The following RUFY3 variants were observed in gnomAD, a reference collection of about 807,000 sequenced individuals.
RUFY3 encodes the protein protein RUFY3.
RUFY3 carries 34 observed loss-of-function variants against 84.0 expected under a neutral mutation model. The ratio of observed to expected loss-of-function variants is 0.40; its 90% CI spans 0.31 to 0.54. The LOEUF (loss-of-function observed/expected upper bound fraction) is 0.54. RUFY3 is among the 20% of genes least tolerant of loss of function. The pLI, the probability that RUFY3 is intolerant of heterozygous loss-of-function variation, is 0.39. For synonymous variants in RUFY3, 242 were observed against 252.9 expected (o/e 0.96, Z 0.41); for missense variants, 507 against 736.8 (o/e 0.69, Z 3.61).
At chr4:70,781,001 A>G (rs1400250976) in intron 8 of RUFY3, among the ~76,000 whole-genome samples, 1 of 151,530 alleles carries the variant, frequency 6.6e-6, no homozygotes, top group Admixed American at 6.6e-5. Flanking sequence ...TGTAATCCCA[A>G]CACTTGGGAC....
At chr4:70,778,332 T>C in intron 7 of RUFY3, 37 bp from the exon 8 acceptor site, 1 of 1,172,044 alleles carries the variant, frequency 8.5e-7, no homozygotes, top group South Asian at 1.3e-5. Context: ...ATTGTCTGTT[T>C]TTCAAAAGTG....
At chr4:70,802,374 T>C (rs1253480829) in intron 15 of RUFY3, among the ~76,000 whole-genome samples, 2 of 152,204 alleles carry the variant, frequency 1.3e-5, no homozygotes, top group African/African-American at 4.8e-5. Context: ...AGAGCGGGCT[T>C]TGCTTCACCT....
intron 8 of RUFY3, among the ~76,000 whole-genome samples, chr4:70,780,130 C>A (rs1728658693): frequency 6.6e-6 from 1 of 152,088 alleles, no homozygotes; most frequent in African/African-American, 2.4e-5. Context: ...ATCACATAGG[C>A]TTTTGGAATG....
chr4:70,790,370 C>T lies in RUFY3; in HGVS notation c.1337+778C>T, dbSNP rs16845447. Among the ~76,000 whole-genome samples, 824 of 152,328 alleles carry T rather than the reference C, an allele frequency of 5.4e-3. 7 individuals are homozygous for T. Among genetic ancestry groups the T allele is most frequent in the African/African-American group, 0.017 (690 of 41,578 alleles). On this transcript the variant is annotated intron_variant, in intron 12 of 17. Coordinates refer to ENST00000381006, the MANE Select transcript of RUFY3 (RefSeq NM_001037442.4). ...CATTTGATGTTTCTACCCTTAACAC[C>T]TGTTTGTCACCCTTCTTGCACTTGA...
intron 10 of RUFY3, among the ~76,000 whole-genome samples, chr4:70,787,193 TA>T (rs1730008696): frequency 8.8e-6 from 1 of 114,056 alleles, no homozygotes; most frequent in African/African-American, 3.9e-5. Context: ...AAAAAATATA[TA>T]TATATATATA....
chr4:70,741,888 G>A (rs1336796518), intron 1 of RUFY3, among the ~76,000 whole-genome samples: 4 of 152,182 alleles, frequency 2.6e-5, no homozygotes, highest in Non-Finnish European at 5.9e-5. Flanking sequence ...TGAATAACGT[G>A]TTTAAAAGGG....
At chr4:70,791,986 C>A (rs1730900182) in intron 12 of RUFY3, 3 of 983,962 alleles carry the variant, frequency 3.0e-6, no homozygotes, top group African/African-American at 1.8e-5. Context: ...AATTAGGTAA[C>A]CTATGATAAC....
At position 70,733,113 on chromosome 4, in the gene RUFY3, AGAGAGAGG is replaced by A. The variant is rs1296578706; in HGVS notation, c.178+10366_178+10373del. Among the ~76,000 whole-genome samples, 176 of 85,160 alleles carry A rather than the reference AGAGAGAGG, an allele frequency of 2.1e-3. 2 individuals carry two copies. The highest frequency in any genetic ancestry group is 8.2e-3 in the African/African-American group (160 of 19,514). 55.9% of individuals were successfully genotyped at this position (85,160 alleles called of 152,430 possible). On this transcript the variant is annotated intron_variant, in intron 1 of 17. Transcript: ENST00000381006. ...AGAGAGAGGAGAGAGAGAGAGAGAGAGAGAGAGGGAGGGAGGGAGGGAGGGAGAGAGAG... is the reference window on the plus strand; with the variant it reads ...AGAGAGAGGAGAGAGAGAGAGAGAGAGAGGGAGGGAGGGAGGGAGAGAGAG...
chr4:70,731,473 A>G (rs186199372), intron 1 of RUFY3, among the ~76,000 whole-genome samples: 1 of 152,370 alleles, frequency 6.6e-6, no homozygotes, highest in Non-Finnish European at 1.5e-5. Flanking sequence ...CAAAAATAGT[A>G]CACTGCTGAA....
chr4:70,746,543 C>T (rs1426841464), intron 1 of RUFY3, among the ~76,000 whole-genome samples: 25 of 151,146 alleles, frequency 1.7e-4, no homozygotes. Flanking sequence ...CATGGAAGAC[C>T]ATAATAATTG....
chr4:70,727,876 T>C (rs139338294), intron 1 of RUFY3, among the ~76,000 whole-genome samples: 1 of 152,258 alleles, frequency 6.6e-6, no homozygotes, highest in African/African-American at 2.4e-5. Context: ...AGGGATAGTA[T>C]TACCTTCAGT....
At chr4:70,806,360 G>T (rs1413913083) in intron 17 of RUFY3, among the ~76,000 whole-genome samples, 156 bp from the exon 18 acceptor site, 1 of 152,112 alleles carries the variant, frequency 6.6e-6, no homozygotes, top group Non-Finnish European at 1.5e-5. Context: ...CTTTTTTGTA[G>T]ATTGGGCCTG....
chr4:70,792,835 G>A, intron 12 of RUFY3: 1 of 985,346 alleles, frequency 1.0e-6, no homozygotes, highest in Non-Finnish European at 1.2e-6. Flanking sequence ...GGAAGATCCT[G>A]TGCTCTTGAA....
chr4:70,706,986 T>C (rs1740410396), intron 1 of RUFY3, among the ~76,000 whole-genome samples: 1 of 152,254 alleles, frequency 6.6e-6, no homozygotes, highest in Admixed American at 6.5e-5. Context: ...GTCATTTCTC[T>C]GTAACAGTTA....
chr4:70,799,110 A>T (rs1196105080), intron 14 of RUFY3, among the ~76,000 whole-genome samples: 1 of 149,218 alleles, frequency 6.7e-6, no homozygotes, highest in East Asian at 2.0e-4. Context: ...ATGCCACTGC[A>T]CTCCAGCCTG....
intron 12 of RUFY3, chr4:70,792,579 C>T: frequency 2.0e-6 from 2 of 985,380 alleles, no homozygotes; most frequent in Non-Finnish European, 2.4e-6. Context: ...AAGGTCCTGA[C>T]AAAATACTTG....
At position 70,808,238 on chromosome 4, in the gene RUFY3, G is replaced by A. The variant is rs1733021628; in HGVS notation, c.*1579G>A. Among the ~76,000 whole-genome samples, 1 of 152,054 alleles carries A rather than the reference G, an allele frequency of 6.6e-6. No homozygotes were observed. Among genetic ancestry groups the A allele is most frequent in the South Asian group, 2.1e-4 (1 of 4,832 alleles). On this transcript the variant is annotated 3_prime_UTR_variant, in exon 18 of 18. Coordinates refer to ENST00000381006, the MANE Select transcript of RUFY3 (RefSeq NM_001037442.4). ...TTGATTGGCAGTTGGTTGAAGCCAT[G>A]GATGCAGAACCCATGGATATGGAGG...
At chr4:70,762,411 A>G (rs1022266196) in intron 1 of RUFY3, 108 bp from the exon 2 acceptor site, 1 of 980,098 alleles carries the variant, frequency 1.0e-6, no homozygotes, top group Non-Finnish European at 1.5e-6. Flanking sequence ...GGAAACTGGC[A>G]TTTTTTTTCA....
At chr4:70,713,249 C>T (rs1741190370) in intron 1 of RUFY3, among the ~76,000 whole-genome samples, 1 of 152,182 alleles carries the variant, frequency 6.6e-6, no homozygotes, top group African/African-American at 2.4e-5. Flanking sequence ...TCTTGAATTC[C>T]TGACCTCAAG....
Sources: gnomAD v4.1 joint callset for allele counts (sites outside exome capture counted in the v4.1 genomes callset) on GRCh38, gnomAD v4.1.1 for gene constraint, MANE v1.5 for transcripts, NCBI Gene and HGNC (gene_info 2026-07-23, HGNC 2026-07-21) for gene names.